The following SHOC2 variants were observed in gnomAD, a reference collection of about 807,000 sequenced individuals.
SHOC2 encodes the protein SHOC2 leucine rich repeat scaffold protein, also known as leucine-rich repeat protein SHOC-2.
In SHOC2, 4 loss-of-function variants were observed where a neutral mutation model predicts 50.2. That is an observed-to-expected ratio of 0.08 (90% CI 0.04 to 0.18). The LOEUF is 0.18. Ranked by LOEUF, SHOC2 falls within the 10% of genes least tolerant of loss-of-function variation. SHOC2 has a pLI of 1.00. For missense variants in SHOC2, 388 were observed against 669.6 expected (o/e 0.58, Z 4.64); for synonymous variants, 218 against 244.5 (o/e 0.89, Z 1.01).
intron 2 of SHOC2, among the ~76,000 whole-genome samples, chr10:110,976,748 T>G (rs771979525): frequency 6.6e-6 from 1 of 152,232 alleles, no homozygotes; most frequent in Non-Finnish European, 1.5e-5. Context: ...AGTCTGCTGT[T>G]ATTCTGATCT....
chr10:110,998,068 A>G (rs1002266841), intron 3 of SHOC2, among the ~76,000 whole-genome samples: 2 of 150,394 alleles, frequency 1.3e-5, no homozygotes, highest in Non-Finnish European at 3.0e-5. Flanking sequence ...GCACAATCTG[A>G]GCTCACGGCA....
chr10:110,940,910 G>GCTTTT (rs1564705752), intron 1 of SHOC2, among the ~76,000 whole-genome samples: 1 of 119,504 alleles, frequency 8.4e-6, no homozygotes, highest in Admixed American at 8.7e-5. Context: ...TTTGTGGTGG[G>GCTTTT]TTTTTTTTTT....
At chr10:110,944,595 T>G in intron 1 of SHOC2, among the ~76,000 whole-genome samples, 1 of 152,340 alleles carries the variant, frequency 6.6e-6, no homozygotes, top group Admixed American at 6.5e-5. Context: ...CTAAATAATA[T>G]AAAAATGTCC....
At chr10:111,000,592 A>G (rs375395468) in intron 4 of SHOC2, 47 bp downstream of exon 4, 4 of 1,536,042 alleles carry the variant, frequency 2.6e-6, no homozygotes, top group African/African-American at 2.7e-5. Flanking sequence ...AGTCTGCAAG[A>G]TAATTCAAGG....
At chr10:110,936,245 C>T (rs1847007788) in intron 1 of SHOC2, among the ~76,000 whole-genome samples, 1 of 151,694 alleles carries the variant, frequency 6.6e-6, no homozygotes, top group African/African-American at 2.4e-5. Context: ...TACAGGCGCC[C>T]TCCACCCTGC....
chr10:110,988,840 A>C, intron 3 of SHOC2: 1 of 445,940 alleles, frequency 2.2e-6, no homozygotes, highest in South Asian at 1.6e-5. Context: ...CTGCTTCAGC[A>C]GCATCCCACA....
intron 3 of SHOC2, among the ~76,000 whole-genome samples, chr10:110,992,792 C>A (rs1191621554): frequency 6.6e-6 from 1 of 152,110 alleles, no homozygotes; most frequent in Non-Finnish European, 1.5e-5. Flanking sequence ...TTTTAACATT[C>A]AGGAATTTCT....
intron 2 of SHOC2, among the ~76,000 whole-genome samples, chr10:110,980,700 A>G (rs553170735): frequency 8.7e-4 from 132 of 152,120 alleles, no homozygotes; most frequent in African/African-American, 3.1e-3. Flanking sequence ...CCTTAGGTTG[A>G]TATTTAAGAC....
At position 110,977,126 on chromosome 10, in the gene SHOC2, G is replaced by T. The variant is rs374445497; in HGVS notation, c.704-8502G>T. On this transcript the variant is annotated intron_variant, in intron 2 of 8. Coordinates refer to ENST00000369452, the MANE Select transcript of SHOC2 (RefSeq NM_007373.4). Reference sequence around the variant, plus strand: ...CAAGTTTTCTTTACCTTGAACATATGGAGCTCATTGTTTAACAGCTTTTTC... The same window carrying T: ...CAAGTTTTCTTTACCTTGAACATATTGAGCTCATTGTTTAACAGCTTTTTC... 3.2e-3 allele frequency among the ~76,000 whole-genome samples: 485 copies of T among 152,080 alleles called. 26 individuals carry two copies. In the South Asian group the frequency reaches 0.093, roughly 29 times the overall value.
chr10:111,009,267 A>G lies in SHOC2; in HGVS notation c.1304A>G (p.Asn435Ser), dbSNP rs746564678. 2 of 1,575,800 alleles carry G rather than the reference A, an allele frequency of 1.3e-6. No homozygotes were observed. Among genetic ancestry groups the G allele is most frequent in the Admixed American group, 1.7e-5 (1 of 59,788 alleles). The change falls in exon 7 of 9, where the codon AAT becomes AGT. Residue 435 changes from asparagine (N) to serine (S), a missense_variant. Coordinates refer to ENST00000369452, the MANE Select transcript of SHOC2 (RefSeq NM_007373.4). Reference protein sequence around the residue: ...VSLEVLILSNNLLKKLPHGLG... With the variant: ...VSLEVLILSNSLLKKLPHGLG... ...CATTAGGTTCTTATCTTATCAAACA[A>G]TCTTCTAAAGAAGCTTCCCCATGGT...
At chr10:110,958,256 C>T (rs1007799174) in intron 1 of SHOC2, among the ~76,000 whole-genome samples, 1 of 150,354 alleles carries the variant, frequency 6.7e-6, no homozygotes, top group Non-Finnish European at 1.5e-5. Flanking sequence ...TGCTCTGTTG[C>T]CAGGCTGGAG....
At chr10:110,973,873 T>C (rs995767532) in intron 2 of SHOC2, among the ~76,000 whole-genome samples, 13 of 151,762 alleles carry the variant, frequency 8.6e-5, no homozygotes, top group African/African-American at 2.7e-4. Flanking sequence ...TCCATATATA[T>C]ATATACACTA....
chr10:110,993,019 TTTAA>T (rs1158221852), intron 3 of SHOC2, among the ~76,000 whole-genome samples: 4 of 152,200 alleles, frequency 2.6e-5, no homozygotes, highest in Admixed American at 2.6e-4. Context: ...AGAATCTAAT[TTTAA>T]TTCATAGCCA....
intron 2 of SHOC2, among the ~76,000 whole-genome samples, chr10:110,966,365 G>T (rs1331292249): frequency 6.6e-6 from 1 of 152,000 alleles, no homozygotes; most frequent in Non-Finnish European, 1.5e-5. Flanking sequence ...TAGGAATGTG[G>T]TTGTTGAATG....
chr10:110,982,167 C>A (rs1847993093), intron 2 of SHOC2, among the ~76,000 whole-genome samples: 1 of 148,018 alleles, frequency 6.8e-6, no homozygotes. Flanking sequence ...CATCCATGTC[C>A]CTACAAAGGA....
At chr10:110,954,529 T>TAATC (rs10634921) in intron 1 of SHOC2, among the ~76,000 whole-genome samples, 115,183 of 151,578 alleles carry the variant, frequency 0.76, 44,021 homozygotes, top group Admixed American at 0.85. Context: ...ATATGGGTCT[T>TAATC]AACTACTATA....
At chr10:111,010,816 G>T (rs1398971650) in intron 8 of SHOC2, among the ~76,000 whole-genome samples, 5 of 152,160 alleles carry the variant, frequency 3.3e-5, no homozygotes, top group African/African-American at 4.8e-5. Flanking sequence ...ATGATAATAG[G>T]AAGTTCTCAC....
chr10:110,942,593 C>T (rs950114370), intron 1 of SHOC2, among the ~76,000 whole-genome samples: 13 of 152,198 alleles, frequency 8.5e-5, no homozygotes, highest in Admixed American at 2.0e-4. Context: ...AAGAGCCGCA[C>T]GTTCTCCTCA....
chr10:110,987,596 A>G (rs1471769346), intron 3 of SHOC2, among the ~76,000 whole-genome samples: 1 of 152,220 alleles, frequency 6.6e-6, no homozygotes. Context: ...ATATTCTACT[A>G]AATGTCCTGT....
Sources: allele counts gnomAD v4.1 joint callset (sites outside exome capture counted in the v4.1 genomes callset), GRCh38; gene constraint gnomAD v4.1.1; transcripts MANE v1.5; gene names NCBI Gene and HGNC (gene_info 2026-07-23, HGNC 2026-07-21).